The following PDE10A variants were observed in gnomAD, a reference collection of about 807,000 sequenced individuals.
PDE10A encodes the protein phosphodiesterase 10A.
A neutral mutation model predicts 97.7 loss-of-function variants in PDE10A; 39 were observed. That is an observed-to-expected ratio of 0.40 (90% confidence interval 0.31 to 0.52). The LOEUF is 0.52. Among genes scored for constraint, PDE10A ranks in the 20% least tolerant of loss-of-function variants. The pLI, the probability that PDE10A is intolerant of heterozygous loss-of-function variation, is 0.56. For synonymous variants in PDE10A, 371 were observed against 376.8 expected (o/e 0.98, Z 0.18); for missense variants, 731 against 1,047.8 (o/e 0.70, Z 4.17).
At chr6:165,596,552 GACCCCTTC>G (rs1274135404) in intron 1 of PDE10A, among the ~76,000 whole-genome samples, 1 of 152,092 alleles carries the variant, frequency 6.6e-6, no homozygotes, top group African/African-American at 2.4e-5. Flanking sequence ...AACATAGCAA[GACCCCTTC>G]TCTACAAAAA....
intron 3 of PDE10A, among the ~76,000 whole-genome samples, chr6:165,475,746 T>A (rs1414972728): frequency 6.6e-6 from 1 of 152,224 alleles, no homozygotes; most frequent in African/African-American, 2.4e-5. Context: ...ATTCACTAAC[T>A]GAATTGAGCA....
chr6:165,400,777 G>A (rs916197975), intron 13 of PDE10A, among the ~76,000 whole-genome samples: 1 of 152,144 alleles, frequency 6.6e-6, no homozygotes, highest in Admixed American at 6.5e-5. Flanking sequence ...TTTGTTTGTA[G>A]CTTTAGTGTA....
At chr6:165,423,117 C>T (rs915647201) in intron 10 of PDE10A, among the ~76,000 whole-genome samples, 23 of 152,206 alleles carry the variant, frequency 1.5e-4, no homozygotes, top group Middle Eastern at 6.8e-3. Context: ...CTAAGGACTA[C>T]ACAAAAGTAA....
chr6:165,350,573 G>A (rs1230106877), intron 18 of PDE10A, among the ~76,000 whole-genome samples: 2 of 152,162 alleles, frequency 1.3e-5, no homozygotes, highest in Admixed American at 1.3e-4. Flanking sequence ...GTAGAGGATT[G>A]TGTTTTGAAT....
chr6:165,883,669 C>A (rs1781550563), intron 1 of PDE10A, among the ~76,000 whole-genome samples: 1 of 152,074 alleles, frequency 6.6e-6, no homozygotes, highest in Non-Finnish European at 1.5e-5. Flanking sequence ...TAGGGGGCAA[C>A]AACAGGAGTG....
intron 21 of PDE10A, among the ~76,000 whole-genome samples, chr6:165,335,442 T>C (rs1243866463): frequency 6.6e-6 from 1 of 152,050 alleles, no homozygotes; most frequent in African/African-American, 2.4e-5. Flanking sequence ...TCTTCCTCCT[T>C]TTTGGTGTAT....
chr6:165,938,953 A>T (rs770862546), intron 1 of PDE10A, among the ~76,000 whole-genome samples: 1 of 152,244 alleles, frequency 6.6e-6, no homozygotes, highest in Non-Finnish European at 1.5e-5. Context: ...CTCTGTTTAT[A>T]GCATCAAAAA....
chr6:165,433,722 A>C (rs2128239129), intron 6 of PDE10A, among the ~76,000 whole-genome samples: 1 of 152,274 alleles, frequency 6.6e-6, no homozygotes, highest in Non-Finnish European at 1.5e-5. Flanking sequence ...TTTACTCAAA[A>C]GAAGTACAGG....
At chr6:165,576,579 AT>A in intron 1 of PDE10A, 1 of 672,240 alleles carries the variant, frequency 1.5e-6, no homozygotes, top group African/African-American at 1.8e-5. Context: ...TAACTAACAG[AT>A]AATTCTCAGC....
intron 1 of PDE10A, among the ~76,000 whole-genome samples, chr6:165,592,115 G>A (rs946594425): frequency 2.6e-5 from 4 of 152,044 alleles, no homozygotes; most frequent in African/African-American, 9.7e-5. Context: ...GATATATATA[G>A]ACCAATGGAA....
chr6:165,542,704 C>T (rs931155705), intron 2 of PDE10A, among the ~76,000 whole-genome samples: 3 of 148,954 alleles, frequency 2.0e-5, no homozygotes, highest in South Asian at 2.2e-4. Context: ...CTGCAAGCTC[C>T]GCCTCCCGGG....
intron 1 of PDE10A, among the ~76,000 whole-genome samples, chr6:165,818,712 A>C (rs925582397): frequency 1.3e-5 from 2 of 152,268 alleles, no homozygotes; most frequent in African/African-American, 2.4e-5. Context: ...TGAATGCTTC[A>C]TATGGGTGCC....
intron 1 of PDE10A, among the ~76,000 whole-genome samples, chr6:165,691,075 T>TTCTCTCTCTCTC (rs376093908): frequency 9.9e-5 from 5 of 50,420 alleles, no homozygotes; most frequent in African/African-American, 4.6e-4. Context: ...CTCTCTCTCT[T>TTCTCTCTCTCTC]TCTCTCTCTC....
intron 1 of PDE10A, among the ~76,000 whole-genome samples, chr6:165,911,692 G>T (rs1051860832): frequency 3.3e-5 from 5 of 152,204 alleles, no homozygotes; most frequent in African/African-American, 9.7e-5. Context: ...GGTATGGATG[G>T]CTCACCAGGT....
At chr6:165,464,363 C>T (rs1465167683) in intron 3 of PDE10A, among the ~76,000 whole-genome samples, 1 of 152,168 alleles carries the variant, frequency 6.6e-6, no homozygotes, top group African/African-American at 2.4e-5. Flanking sequence ...TTCCTATTTC[C>T]ATATTTGTAA....
intron 1 of PDE10A, among the ~76,000 whole-genome samples, chr6:165,836,090 G>A (rs534743891): frequency 2.6e-5 from 4 of 152,248 alleles, no homozygotes; most frequent in African/African-American, 9.6e-5. Flanking sequence ...CCTGTCCAAA[G>A]CCTCCGTCTT....
intron 18 of PDE10A, among the ~76,000 whole-genome samples, chr6:165,369,447 G>C (rs963687819): frequency 4.6e-5 from 7 of 151,504 alleles, no homozygotes; most frequent in Admixed American, 4.6e-4. Context: ...AGCCTCAGGA[G>C]CTGATGCGAT....
chr6:165,588,456 A>T (rs900887976), intron 1 of PDE10A, among the ~76,000 whole-genome samples: 2 of 151,654 alleles, frequency 1.3e-5, no homozygotes, highest in Admixed American at 1.3e-4. Flanking sequence ...ATGCCCGGCT[A>T]ATTTTTGTAT....
At chr6:165,704,897 C>T (rs981014645) in intron 1 of PDE10A, among the ~76,000 whole-genome samples, 5 of 152,232 alleles carry the variant, frequency 3.3e-5, no homozygotes, top group Admixed American at 2.6e-4. Context: ...TGGACCATTA[C>T]GGTGTCTACC....
Sources: allele counts gnomAD v4.1 joint callset (sites outside exome capture counted in the v4.1 genomes callset), GRCh38; gene constraint gnomAD v4.1.1; transcripts MANE v1.5; gene names NCBI Gene and HGNC (gene_info 2026-07-23, HGNC 2026-07-21).